Variants in WWOX observed in about 807,000 individuals in gnomAD.
WWOX encodes the protein WW domain-containing oxidoreductase.
Under a neutral mutation model 46.2 loss-of-function variants are expected in WWOX, and 69 were observed. The observed-to-expected ratio is 1.49, with a 90% CI of 1.23 to 1.82. WWOX has a LOEUF of 1.82. Ranked by LOEUF, WWOX falls within the 40% of genes most tolerant of loss-of-function variation. The pLI, the probability that WWOX is intolerant of heterozygous loss-of-function variation, is 0.00. For synonymous variants in WWOX, 359 were observed against 202.6 expected (o/e 1.77, Z -6.56); for missense variants, 919 against 542.6 (o/e 1.69, Z -6.89).
At chr16:78,815,327 GA>G (rs770386740) in intron 8 of WWOX, among the ~76,000 whole-genome samples, 171 of 123,788 alleles carry the variant, frequency 1.4e-3, no homozygotes, top group Admixed American at 2.6e-3. Context: ...TCTGTCTCGA[GA>G]AAAAAAAAAA....
At chr16:78,490,483 T>C (rs938994700) in intron 8 of WWOX, among the ~76,000 whole-genome samples, 1 of 152,182 alleles carries the variant, frequency 6.6e-6, no homozygotes, top group East Asian at 1.9e-4. Flanking sequence ...CGCAAATCTA[T>C]TTACGGTTTT....
intron 8 of WWOX, among the ~76,000 whole-genome samples, chr16:78,595,738 A>G (rs2045473870): frequency 6.6e-6 from 1 of 152,194 alleles, no homozygotes; most frequent in Admixed American, 6.5e-5. Flanking sequence ...TGGTGTAATG[A>G]TTGACTCAAG....
intron 8 of WWOX, among the ~76,000 whole-genome samples, chr16:78,945,753 T>C (rs907975755): frequency 7.9e-5 from 12 of 152,146 alleles, no homozygotes; most frequent in African/African-American, 2.7e-4. Flanking sequence ...CTGCAAATTG[T>C]TTTTATTTAG....
At chr16:79,000,454 G>A (rs770593977) in intron 8 of WWOX, among the ~76,000 whole-genome samples, 1 of 152,174 alleles carries the variant, frequency 6.6e-6, no homozygotes, top group African/African-American at 2.4e-5. Flanking sequence ...AGGCCCAGTC[G>A]AATCAGAGAT....
intron 8 of WWOX, among the ~76,000 whole-genome samples, chr16:78,543,691 A>G (rs896565533): frequency 2.0e-5 from 3 of 152,132 alleles, no homozygotes; most frequent in African/African-American, 7.2e-5. Flanking sequence ...AAGACCCAAG[A>G]CCTTAACTTT....
At chr16:78,710,066 AGTT>A (rs2048407066) in intron 8 of WWOX, among the ~76,000 whole-genome samples, 1 of 151,900 alleles carries the variant, frequency 6.6e-6, no homozygotes, top group Non-Finnish European at 1.5e-5. Context: ...GGCCAGGAGC[AGTT>A]GTTTATTTTC....
At chr16:78,241,471 C>G (rs1279612876) in intron 5 of WWOX, among the ~76,000 whole-genome samples, 1 of 152,020 alleles carries the variant, frequency 6.6e-6, no homozygotes, top group Non-Finnish European at 1.5e-5. Flanking sequence ...TCTTGTCACC[C>G]AGGCTGGAGT....
chr16:79,165,043 T>G (rs1242177142), intron 8 of WWOX, among the ~76,000 whole-genome samples: 1 of 152,100 alleles, frequency 6.6e-6, no homozygotes, highest in Non-Finnish European at 1.5e-5. Context: ...TGAGGGTCTC[T>G]GGGAGGACCA....
Position 78,600,191 on chromosome 16 carries a change from C to G in WWOX, c.1056+167439C>G, listed in dbSNP as rs572003839. The stretch of plus-strand genomic sequence containing the variant: ...ACAGGAAAGACTTGCCCTCATGATT[C>G]AGTTACGTTCCACCGGGGCCCTCCC... On this transcript the variant is annotated intron_variant, in intron 8 of 8. Coordinates refer to ENST00000566780, the MANE Select transcript of WWOX (RefSeq NM_016373.4). 5.3e-5 allele frequency among the ~76,000 whole-genome samples: 8 copies of G among 152,198 alleles called. No homozygotes were observed. In the East Asian group the frequency reaches 7.8e-4, roughly 15 times the overall value.
rs532104275 is a variant in WWOX at position 78,335,881 on chromosome 16, C to G, written c.517-50979C>G. ...CCGAGGCGGGTGGATCGCTTGAGGC[C>G]AGGAGTTTGAGACCAGCCTTGCCAA... On this transcript the variant is annotated intron_variant, in intron 5 of 8. Transcript: ENST00000566780. Among the ~76,000 whole-genome samples, 5 of 152,190 alleles carry G rather than the reference C, an allele frequency of 3.3e-5. No homozygotes were observed. In the East Asian group the frequency reaches 9.7e-4, roughly 29 times the overall value.
At chr16:78,476,744 A>G (rs1022860283) in intron 8 of WWOX, among the ~76,000 whole-genome samples, 2 of 152,202 alleles carry the variant, frequency 1.3e-5, no homozygotes, top group African/African-American at 4.8e-5. Context: ...TTGAAGACCT[A>G]AATGAGTTTT....
At chr16:78,345,339 G>A (rs370028791) in intron 5 of WWOX, among the ~76,000 whole-genome samples, 3 of 111,856 alleles carry the variant, frequency 2.7e-5, no homozygotes, top group East Asian at 3.9e-4. Context: ...AGTAAAATAA[G>A]GCTAGACATG....
intron 8 of WWOX, among the ~76,000 whole-genome samples, chr16:78,735,649 G>C (rs540831442): frequency 1.1e-3 from 168 of 152,326 alleles, no homozygotes; most frequent in Non-Finnish European, 2.0e-3. Context: ...TCCTCTCCCT[G>C]CTGCTGGCCT....
intron 8 of WWOX, among the ~76,000 whole-genome samples, chr16:78,809,221 A>T (rs929273329): frequency 2.6e-5 from 4 of 151,822 alleles, no homozygotes; most frequent in African/African-American, 9.7e-5. Context: ...TGTGTCCTAT[A>T]ACTTGAAATG....
chr16:78,119,549 A>C (rs909915668), intron 4 of WWOX, among the ~76,000 whole-genome samples: 3 of 152,096 alleles, frequency 2.0e-5, no homozygotes, highest in Non-Finnish European at 4.4e-5. Context: ...AGCGCATGCA[A>C]ATTATTTTCT....
rs183666611 is a variant in WWOX at position 78,242,100 on chromosome 16, G to A, written c.516+77811G>A. On this transcript the variant is annotated intron_variant, in intron 5 of 8. Transcript: ENST00000566780. ...AGCCTTGCCGCCCTGCAGACTTGAA[G>A]AATTGCGACGTCGGCCTAACATAAT... Among the ~76,000 whole-genome samples, 1,013 of 152,336 alleles carry A rather than the reference G, an allele frequency of 6.6e-3. 10 individuals carry two copies. The highest frequency in any genetic ancestry group is 0.023 in the African/African-American group (972 of 41,586).
At chr16:78,228,473 C>CA (rs1169189998) in intron 5 of WWOX, among the ~76,000 whole-genome samples, 3 of 151,802 alleles carry the variant, frequency 2.0e-5, no homozygotes, top group Non-Finnish European at 4.4e-5. Context: ...TCCTGAGCAG[C>CA]TGGGACCACA....
intron 8 of WWOX, among the ~76,000 whole-genome samples, chr16:78,967,382 C>G (rs1279402148): frequency 7.1e-6 from 1 of 141,800 alleles, no homozygotes; most frequent in Non-Finnish European, 1.5e-5. Context: ...CTCCCGGGCT[C>G]AAGCTTTCCA....
intron 8 of WWOX, among the ~76,000 whole-genome samples, chr16:78,841,239 C>G (rs867731839): frequency 6.6e-6 from 1 of 152,144 alleles, no homozygotes; most frequent in Non-Finnish European, 1.5e-5. Context: ...AGTCTTTTAC[C>G]AAGGTCTCAA....
Sources: gnomAD v4.1 joint callset for allele counts (sites outside exome capture counted in the v4.1 genomes callset) on GRCh38, gnomAD v4.1.1 for gene constraint, MANE v1.5 for transcripts, NCBI Gene and HGNC (gene_info 2026-07-23, HGNC 2026-07-21) for gene names.